Variants in LRFN5 observed in about 807,000 individuals in gnomAD.
LRFN5 encodes the protein leucine rich repeat and fibronectin type III domain containing 5, also known as leucine-rich repeat and fibronectin type-III domain-containing protein 5.
LRFN5 carries 24 observed loss-of-function variants against 45.6 expected under a neutral mutation model. The observed-to-expected ratio is 0.53, with a 90% CI of 0.38 to 0.74. LRFN5 has a LOEUF of 0.74. LRFN5 is among the 30% of genes least tolerant of loss of function. The probability of loss-of-function intolerance (pLI) is 0.00; values close to 1 mark genes in which losing one functional copy is unlikely to be tolerated. For missense variants in LRFN5, 776 were observed against 861.5 expected, an observed-to-expected ratio of 0.90 and a Z score of 1.24; for synonymous variants, 340 against 313.8, an observed-to-expected ratio of 1.08 and a Z score of -0.88.
At chr14:41,765,774 T>C (rs1885861073) in intron 1 of LRFN5, among the ~76,000 whole-genome samples, 2 of 152,206 alleles carry the variant, frequency 1.3e-5, no homozygotes, top group African/African-American at 2.4e-5. Flanking sequence ...ATATATAAGC[T>C]ATAATTTACT....
intron 2 of LRFN5, among the ~76,000 whole-genome samples, chr14:41,782,825 T>G (rs1886576951): frequency 6.6e-6 from 1 of 152,154 alleles, no homozygotes; most frequent in Non-Finnish European, 1.5e-5. Flanking sequence ...CTCTTCCACC[T>G]GAAATCACTC....
At chr14:41,646,340 A>G (rs1455486572) in intron 1 of LRFN5, among the ~76,000 whole-genome samples, 1 of 152,012 alleles carries the variant, frequency 6.6e-6, no homozygotes, top group Non-Finnish European at 1.5e-5. Context: ...TTATTGCAGA[A>G]ATTTCTTTCT....
chr14:41,789,250 G>A (rs1444012672), intron 2 of LRFN5, among the ~76,000 whole-genome samples: 3 of 151,838 alleles, frequency 2.0e-5, no homozygotes, highest in African/African-American at 4.8e-5. Context: ...GCAGTCAATT[G>A]TTGCCTTTTT....
chr14:41,822,549 A>G (rs1287582297), intron 2 of LRFN5, among the ~76,000 whole-genome samples: 2 of 151,950 alleles, frequency 1.3e-5, no homozygotes, highest in Non-Finnish European at 2.9e-5. Flanking sequence ...ATGTGTTGAT[A>G]CTTGTTTTTG....
intron 1 of LRFN5, among the ~76,000 whole-genome samples, chr14:41,751,285 G>A (rs1184400906): frequency 1.3e-5 from 2 of 151,830 alleles, no homozygotes; most frequent in Non-Finnish European, 1.5e-5. Context: ...AATAAAGTTC[G>A]GTGTTAATAG....
At chr14:41,841,048 A>G (rs1888841112) in intron 2 of LRFN5, among the ~76,000 whole-genome samples, 1 of 151,840 alleles carries the variant, frequency 6.6e-6, no homozygotes, top group African/African-American at 2.4e-5. Context: ...ACAATCAACA[A>G]TAGTATGGTA....
chr14:41,633,131 A>G (rs1888608169), intron 1 of LRFN5, among the ~76,000 whole-genome samples: 1 of 151,976 alleles, frequency 6.6e-6, no homozygotes, highest in Admixed American at 6.6e-5. Flanking sequence ...TGACAGTCTT[A>G]AACACAATAC....
intron 2 of LRFN5, among the ~76,000 whole-genome samples, chr14:41,775,122 GCT>G (rs1398693275): frequency 1.6e-5 from 2 of 123,218 alleles, no homozygotes; most frequent in African/African-American, 3.1e-5. Flanking sequence ...ACGGAGTCTC[GCT>G]CTGTCTCCCA....
At chr14:41,714,853 T>C (rs1310205033) in intron 1 of LRFN5, among the ~76,000 whole-genome samples, 1 of 152,112 alleles carries the variant, frequency 6.6e-6, no homozygotes, top group East Asian at 1.9e-4. Context: ...TGCGGGGAGC[T>C]GTAATGATGC....
intron 2 of LRFN5, among the ~76,000 whole-genome samples, chr14:41,781,828 G>C (rs1886540270): frequency 6.6e-6 from 1 of 151,918 alleles, no homozygotes; most frequent in African/African-American, 2.4e-5. Flanking sequence ...ACAGGTTGTT[G>C]GTCTTGTTTT....
intron 4 of LRFN5, chr14:41,892,976 T>A: frequency 1.0e-6 from 1 of 985,242 alleles, no homozygotes; most frequent in Non-Finnish European, 1.2e-6. Context: ...GGGTGTTTAT[T>A]TTTATCACCA....
chr14:41,704,448 C>CTCTGTGTGTGTGTGTGTGTGTGTGTGTG (rs200253065), intron 1 of LRFN5, among the ~76,000 whole-genome samples: 35 of 124,296 alleles, frequency 2.8e-4, no homozygotes, highest in African/African-American at 1.3e-3. Context: ...CTCTCTCTCT[C>CTCTGTGTGTGTGTGTGTGTGTGTGTGTG]TGTGTGTGTG....
At chr14:41,650,537 A>T (rs1196476997) in intron 1 of LRFN5, among the ~76,000 whole-genome samples, 5 of 152,176 alleles carry the variant, frequency 3.3e-5, no homozygotes, top group African/African-American at 1.2e-4. Flanking sequence ...TAGAGGATAC[A>T]TTGATAGAAC....
At position 41,663,837 on chromosome 14, in the gene LRFN5, A is replaced by G. The variant is rs564081070; in HGVS notation, c.-197+55275A>G. ...TAGTTTCAGGAGAAAAATATTAAAT[A>G]ATAAGATGAACTCATATAAAAATGA... On this transcript the variant is annotated intron_variant, in intron 1 of 5. Transcript: ENST00000298119. Among the ~76,000 whole-genome samples, 5 of 152,178 alleles carry G rather than the reference A, an allele frequency of 3.3e-5. No individual in the cohort carries two copies. The East Asian group carries it at 9.7e-4, about 29-fold the overall frequency.
rs190630407 is a variant in LRFN5, at chr14:41,654,920, A to C, written c.-197+46358A>C. On this transcript the variant is annotated intron_variant, in intron 1 of 5. Transcript: ENST00000298119. ...TTAGTGGTTAGGTGCTACGCTCTGC[A>C]ACCACATGGCACAGGTTTTCTTCAA... Among the ~76,000 whole-genome samples, 720 of 152,174 alleles carry C rather than the reference A, an allele frequency of 4.7e-3. 6 individuals are homozygous for C. The highest frequency in any genetic ancestry group is 6.8e-3 in the Non-Finnish European group (465 of 68,006).
chr14:41,677,230 TAAAC>T (rs940235110), intron 1 of LRFN5, among the ~76,000 whole-genome samples: 17 of 152,108 alleles, frequency 1.1e-4, no homozygotes, highest in Admixed American at 9.2e-4. Flanking sequence ...ACTAAACAAA[TAAAC>T]AAAATGGCCA....
chr14:41,808,372 AG>A (rs200292792), intron 2 of LRFN5, among the ~76,000 whole-genome samples: 268 of 103,496 alleles, frequency 2.6e-3, no homozygotes, highest in Middle Eastern at 4.9e-3. Context: ...GAAGGAAGGA[AG>A]GGAAAGAAGG....
chr14:41,683,443 A>G (rs1052895041), intron 1 of LRFN5, among the ~76,000 whole-genome samples: 6 of 152,168 alleles, frequency 3.9e-5, no homozygotes, highest in Non-Finnish European at 8.8e-5. Flanking sequence ...CTGTTATTCA[A>G]CATAGTATGG....
intron 4 of LRFN5, among the ~76,000 whole-genome samples, chr14:41,897,122 A>G (rs2139173303): frequency 1.3e-5 from 2 of 150,858 alleles, no homozygotes; most frequent in African/African-American, 4.8e-5. Flanking sequence ...ATAAATAAAT[A>G]AATAAATAAA....
Sources: allele counts gnomAD v4.1 joint callset (sites outside exome capture counted in the v4.1 genomes callset), GRCh38; gene constraint gnomAD v4.1.1; transcripts MANE v1.5; gene names NCBI Gene and HGNC (gene_info 2026-07-23, HGNC 2026-07-21).